Variants in PDE4B observed in about 807,000 individuals in gnomAD.
PDE4B encodes the protein phosphodiesterase 4B.
A neutral mutation model predicts 82.2 loss-of-function variants in PDE4B; 20 were observed. The observed-to-expected ratio is 0.24, with a 90% CI of 0.17 to 0.35. PDE4B has a LOEUF of 0.35. PDE4B is among the 10% of genes least tolerant of loss of function. The pLI, the probability that PDE4B is intolerant of heterozygous loss-of-function variation, is 1.00. For synonymous variants in PDE4B, 320 were observed against 318.9 expected (o/e 1.00, Z -0.04); for missense variants, 655 against 907.2 (o/e 0.72, Z 3.57).
chr1:65,939,010 G>A (rs1292347544), intron 3 of PDE4B, among the ~76,000 whole-genome samples: 1 of 152,168 alleles, frequency 6.6e-6, no homozygotes, highest in African/African-American at 2.4e-5. Flanking sequence ...AGTGAGCAAT[G>A]ACAATGGCTA....
intron 1 of PDE4B, among the ~76,000 whole-genome samples, chr1:65,858,980 A>G (rs1039476503): frequency 1.3e-5 from 2 of 152,092 alleles, no homozygotes; most frequent in African/African-American, 4.8e-5. Flanking sequence ...AAGTATATGA[A>G]TTCTTATGTT....
At chr1:66,035,809 G>A (rs1273339410) in intron 3 of PDE4B, among the ~76,000 whole-genome samples, 1 of 152,152 alleles carries the variant, frequency 6.6e-6, no homozygotes, top group Non-Finnish European at 1.5e-5. Flanking sequence ...GAATATGGGA[G>A]TGTAGACATC....
intron 3 of PDE4B, among the ~76,000 whole-genome samples, chr1:66,111,986 G>A (rs1645496922): frequency 6.6e-6 from 1 of 152,094 alleles, no homozygotes; most frequent in African/African-American, 2.4e-5. Flanking sequence ...TGAATCTGGA[G>A]CTCTGACATT....
intron 1 of PDE4B, among the ~76,000 whole-genome samples, chr1:65,867,817 A>G (rs772354130): frequency 1.3e-5 from 2 of 152,196 alleles, no homozygotes; most frequent in African/African-American, 4.8e-5. Flanking sequence ...CCAATCTGTC[A>G]ACTAACATGT....
chr1:66,332,448 C>T (rs375930120), intron 7 of PDE4B, 60 bp from the exon 8 acceptor site: 2 of 1,614,136 alleles, frequency 1.2e-6, no homozygotes, highest in Non-Finnish European at 1.7e-6. Flanking sequence ...AGCGGTGACT[C>T]TGCTATGGAC....
rs538775023 is a variant in PDE4B at position 65,796,554 on chromosome 1, T to A, written c.-71+3306T>A. ...TTACTATATTTTTCAACTCAATAATTTCCATTTGGTTCTTTTTGCAGCTTA... is the reference window on the plus strand; with the variant it reads ...TTACTATATTTTTCAACTCAATAATATCCATTTGGTTCTTTTTGCAGCTTA... On this transcript the variant is annotated intron_variant, in intron 1 of 16. Coordinates refer to ENST00000341517, the MANE Select transcript of PDE4B (RefSeq NM_002600.4). Among the ~76,000 whole-genome samples, 3 of 152,276 alleles carry A rather than the reference T, an allele frequency of 2.0e-5. No individual in the cohort carries two copies. The East Asian group carries it at 5.8e-4, about 29-fold the overall frequency.
intron 3 of PDE4B, among the ~76,000 whole-genome samples, chr1:66,021,793 G>A (rs1318075547): frequency 1.3e-5 from 2 of 152,074 alleles, no homozygotes; most frequent in Non-Finnish European, 2.9e-5. Flanking sequence ...TTGGCAATGC[G>A]GGCTCTTTTT....
intron 3 of PDE4B, among the ~76,000 whole-genome samples, chr1:65,991,490 T>G (rs1281951507): frequency 2.0e-5 from 3 of 152,188 alleles, no homozygotes; most frequent in Non-Finnish European, 4.4e-5. Flanking sequence ...CTGTCACTCT[T>G]GCTGATCTTG....
At chr1:65,997,169 G>A (rs913685037) in intron 3 of PDE4B, among the ~76,000 whole-genome samples, 3 of 89,914 alleles carry the variant, frequency 3.3e-5, no homozygotes, top group African/African-American at 1.4e-4. Flanking sequence ...CCCCCACCCT[G>A]CTGCATTGCT....
chr1:66,102,150 T>G (rs1384428620), intron 3 of PDE4B, among the ~76,000 whole-genome samples: 1 of 152,132 alleles, frequency 6.6e-6, no homozygotes, highest in Non-Finnish European at 1.5e-5. Context: ...TGTAGATGTG[T>G]GGTACTATTT....
At chr1:66,184,670 T>G (rs1647142657) in intron 3 of PDE4B, among the ~76,000 whole-genome samples, 1 of 152,142 alleles carries the variant, frequency 6.6e-6, no homozygotes, top group African/African-American at 2.4e-5. Context: ...CCACATAGCT[T>G]AAATATAACG....
chr1:66,323,183 A>G (rs537104496), intron 7 of PDE4B, among the ~76,000 whole-genome samples: 65 of 152,240 alleles, frequency 4.3e-4, no homozygotes, highest in African/African-American at 1.5e-3. Flanking sequence ...CCATGGCTGT[A>G]TATAACTTGA....
At position 66,257,855 on chromosome 1, in the gene PDE4B, A is replaced by G. The variant is rs755001708; in HGVS notation, c.576A>G (p.Thr192=). 6.2e-7 allele frequency: 1 copy of G among 1,611,250 alleles called. No individual in the cohort carries two copies. The highest frequency in any genetic ancestry group is 1.7e-5 in the Admixed American group (1 of 59,956). ...NFTILTNLHG[T]SNKRSPAASQ... is the part of the protein sequence containing the mutation. ...CTATACTGACAAACCTTCATGGTAC[A>G]TCTAACAAGTAAGGATTGACTTTTT... The change falls in exon 6 of 17, where the codon ACA becomes ACG. Residue 192 remains threonine (T), a synonymous_variant. Transcript: ENST00000341517.
intron 1 of PDE4B, among the ~76,000 whole-genome samples, chr1:65,866,861 C>T (rs1331616385): frequency 6.6e-6 from 1 of 152,136 alleles, no homozygotes; most frequent in East Asian, 1.9e-4. Flanking sequence ...ATGTATGACT[C>T]ATATTTGAAT....
intron 3 of PDE4B, among the ~76,000 whole-genome samples, chr1:66,095,288 T>C (rs924758991): frequency 6.6e-6 from 1 of 151,942 alleles, no homozygotes; most frequent in Non-Finnish European, 1.5e-5. Flanking sequence ...AGTTTGCTTA[T>C]CTATAAAATT....
At chr1:66,164,365 T>C (rs1646676889) in intron 3 of PDE4B, among the ~76,000 whole-genome samples, 1 of 151,170 alleles carries the variant, frequency 6.6e-6, no homozygotes, top group South Asian at 2.1e-4. Flanking sequence ...TGAAACCCCA[T>C]CTCTACTAAA....
chr1:65,875,808 G>C (rs1646633903), intron 1 of PDE4B, among the ~76,000 whole-genome samples: 2 of 122,912 alleles, frequency 1.6e-5, no homozygotes, highest in Admixed American at 1.8e-4. Context: ...TGGTGGGGTG[G>C]GGGGAGGGGG....
chr1:66,210,397 A>G (rs1377372826), intron 3 of PDE4B, among the ~76,000 whole-genome samples: 1 of 151,980 alleles, frequency 6.6e-6, no homozygotes, highest in Non-Finnish European at 1.5e-5. Context: ...AGAGATTGAG[A>G]CCAGCCTGAC....
intron 6 of PDE4B, among the ~76,000 whole-genome samples, chr1:66,259,729 A>G (rs1040730698): frequency 6.6e-6 from 1 of 152,208 alleles, no homozygotes; most frequent in African/African-American, 2.4e-5. Flanking sequence ...AATGCCTGAC[A>G]TACAGTTTGT....
Sources: allele counts gnomAD v4.1 joint callset (sites outside exome capture counted in the v4.1 genomes callset), GRCh38; gene constraint gnomAD v4.1.1; transcripts MANE v1.5; gene names NCBI Gene and HGNC (gene_info 2026-07-23, HGNC 2026-07-21).